The following ARMH4 variants were observed in gnomAD, a reference collection of about 807,000 sequenced individuals.
The protein encoded by ARMH4 is armadillo like helical domain containing 4, also known as armadillo-like helical domain-containing protein 4.
Under a neutral mutation model 61.9 loss-of-function variants are expected in ARMH4, and 49 were observed. The ratio of observed to expected loss-of-function variants is 0.79; its 90% CI spans 0.63 to 1.00. ARMH4 has a LOEUF of 1.00. ARMH4 is among the 50% of genes least tolerant of loss of function. The pLI, the probability that ARMH4 is intolerant of heterozygous loss-of-function variation, is 0.00. For synonymous variants in ARMH4, 368 were observed against 341.5 expected (o/e 1.08, Z -0.85); for missense variants, 934 against 930.0 (o/e 1.00, Z -0.06).
rs184426161 is a variant in ARMH4, at chr14:58,042,577, G to A, written c.2090-30427C>T. Among the ~76,000 whole-genome samples the A allele has an allele frequency of 1.3e-3, 192 of 152,160 alleles. 2 individuals are homozygous for A. In the East Asian group the frequency reaches 0.035, roughly 28 times the overall value. On this transcript the variant is annotated intron_variant, in intron 5 of 7. Coordinates refer to ENST00000267485, the MANE Select transcript of ARMH4 (RefSeq NM_001001872.4). ...GAGCAAACACATTCAAAAGCTAGCAGAAGGCAAGAAATAACTAAGATCAGA... is the reference window on the plus strand; with the variant it reads ...GAGCAAACACATTCAAAAGCTAGCAAAAGGCAAGAAATAACTAAGATCAGA...
chr14:58,141,136 G>GGGT (rs1887535140), intron 1 of ARMH4: 1 of 203,446 alleles, frequency 4.9e-6, no homozygotes, highest in Non-Finnish European at 9.9e-6. Flanking sequence ...TAAGAAAAAT[G>GGGT]GGTTTGAAAA....
chr14:58,138,132 A>C lies in ARMH4; in HGVS notation c.1227T>G (p.Val409=), dbSNP rs11626667. The C allele has an allele frequency of 0.039, 62,173 of 1,614,144 alleles. 1,363 individuals carry two copies. Among genetic ancestry groups the C allele is most frequent in the Middle Eastern group, 0.078 (470 of 6,062 alleles). Residue 409 remains valine, a synonymous_variant, in exon 2 of 8, where the codon GTT becomes GTG. Transcript: ENST00000267485. ...TACTTTGGAGCAAGTTCACAATGGA[A>C]ACTTTCATGTCTTCCATCAGACTTG... The part of the protein sequence containing the change: ...TPTSLMEDMK[V]SIVNLLQSTG...
intron 3 of ARMH4, 31 bp downstream of exon 3, chr14:58,133,059 A>T (rs748902828): frequency 6.2e-7 from 1 of 1,611,158 alleles, no homozygotes; most frequent in Non-Finnish European, 8.5e-7. Context: ...ATCCACCCCC[A>T]AAACAGAGTC....
chr14:58,075,059 C>T (rs1278558622), intron 5 of ARMH4, among the ~76,000 whole-genome samples: 1 of 152,196 alleles, frequency 6.6e-6, no homozygotes, highest in Admixed American at 6.5e-5. Flanking sequence ...GATACCATCT[C>T]ATGCCAGTTA....
chr14:58,074,101 G>T (rs1484314762), intron 5 of ARMH4, among the ~76,000 whole-genome samples: 2 of 152,186 alleles, frequency 1.3e-5, no homozygotes, highest in African/African-American at 4.8e-5. Flanking sequence ...ATTTAAGAAT[G>T]CAGGAAACCT....
intron 5 of ARMH4, among the ~76,000 whole-genome samples, chr14:58,016,089 T>C (rs1209971871): frequency 6.6e-6 from 1 of 152,020 alleles, no homozygotes; most frequent in African/African-American, 2.4e-5. Flanking sequence ...GTTAAAATGT[T>C]TTATATGAAG....
chr14:58,026,968 C>A (rs1306103044), intron 5 of ARMH4, among the ~76,000 whole-genome samples: 1 of 152,154 alleles, frequency 6.6e-6, no homozygotes, highest in African/African-American at 2.4e-5. Flanking sequence ...CTCCCTAGTG[C>A]CTTGACTTAG....
At chr14:58,107,763 C>CAAAAAAAA (rs34507217) in intron 4 of ARMH4, among the ~76,000 whole-genome samples, 1 of 97,364 alleles carries the variant, frequency 1.0e-5, no homozygotes, top group South Asian at 3.5e-4. Flanking sequence ...GACTCCATCT[C>CAAAAAAAA]AAAAAAAAAA....
At chr14:58,063,888 C>A (rs564892252) in intron 5 of ARMH4, among the ~76,000 whole-genome samples, 1 of 152,038 alleles carries the variant, frequency 6.6e-6, no homozygotes, top group African/African-American at 2.4e-5. Flanking sequence ...TTTTAATTGA[C>A]ATTTTTCTTA....
At chr14:58,035,375 G>T (rs1275395994) in intron 5 of ARMH4, among the ~76,000 whole-genome samples, 1 of 78,298 alleles carries the variant, frequency 1.3e-5, no homozygotes, top group African/African-American at 5.4e-5. Context: ...CCACATACCA[G>T]AATCTCTGGG....
intron 5 of ARMH4, among the ~76,000 whole-genome samples, chr14:58,040,167 T>C (rs141205403): frequency 1.3e-3 from 203 of 152,212 alleles, no homozygotes; most frequent in African/African-American, 4.8e-3. Context: ...ATTGATTTTT[T>C]TTTTAACTTT....
chr14:58,006,640 GAA>G (rs911523988), intron 6 of ARMH4, among the ~76,000 whole-genome samples: 21 of 151,860 alleles, frequency 1.4e-4, no homozygotes, highest in Non-Finnish European at 2.6e-4. Context: ...TTTTCCCCAA[GAA>G]ACAAAGCCTA....
At position 58,138,700 on chromosome 14, in the gene ARMH4, G is replaced by T. The variant is rs1302503144; in HGVS notation, c.659C>A (p.Pro220Gln). 1.2e-6 allele frequency: 2 copies of T among 1,614,136 alleles called. No individual in the cohort carries two copies. Among genetic ancestry groups the T allele is most frequent in the Middle Eastern group, 1.6e-4 (1 of 6,062 alleles). Residue 220 changes from proline (P) to glutamine (Q), a missense_variant, in exon 2 of 8, where the codon CCA (proline) becomes CAA (glutamine). Transcript: ENST00000267485. The part of the protein sequence containing the change: ...VNTKEMLTTN[P>Q]KTEKFEADTD... ...GTCTGCTTCAAATTTCTCAGTCTTT[G>T]GATTGGTGGTTAGCATTTCCTTAGT... is the stretch of plus-strand genomic sequence containing the variant.
At chr14:58,082,866 C>A (rs1034461227) in intron 5 of ARMH4, among the ~76,000 whole-genome samples, 1 of 152,158 alleles carries the variant, frequency 6.6e-6, no homozygotes, top group Non-Finnish European at 1.5e-5. Context: ...ATATGTACTG[C>A]CATCACCCCC....
At position 58,002,894 on chromosome 14, in the gene ARMH4, C is replaced by T. The variant is rs1284945086; in HGVS notation, c.*1842G>A. The T allele has an allele frequency of 6.6e-6, 1 of 152,206 alleles. No homozygotes were observed. Among genetic ancestry groups the T allele is most frequent in the Non-Finnish European group, 1.5e-5 (1 of 68,042 alleles). The allele number at this position is 152,206 out of a possible 1,614,324, so 9.4% of individuals were successfully genotyped here. ...TTTTCACTTCTCTTGATCAGTTTCA[C>T]ATATTTGCTTACATCTCTTGGCAAA... On this transcript the variant is annotated 3_prime_UTR_variant, in exon 8 of 8. Transcript: ENST00000267485.
rs762573561 is a variant in ARMH4, at chr14:58,005,180, A to G, written c.2124T>C (p.Ala708=). 6.2e-7 allele frequency: 1 copy of G among 1,613,920 alleles called. No individual in the cohort carries two copies. Among genetic ancestry groups the G allele is most frequent in the Non-Finnish European group, 8.5e-7 (1 of 1,179,894 alleles). Reference sequence around the variant, plus strand: ...GCACCAGCATCCCAGACATGTAACCAGCCTGCATAGAAAAGGAAACACACA... The same window carrying G: ...GCACCAGCATCCCAGACATGTAACCGGCCTGCATAGAAAAGGAAACACACA... The part of the protein sequence containing the change: ...RSWMEKLKDK[A]GYMSGMLVPV... Residue 708 remains alanine (A), a splice_region_variant and synonymous_variant, in exon 7 of 8, where the codon GCT becomes GCC. Transcript: ENST00000267485.
chr14:58,085,094 TA>T (rs1885338371), intron 5 of ARMH4, among the ~76,000 whole-genome samples: 1 of 152,180 alleles, frequency 6.6e-6, no homozygotes, highest in South Asian at 2.1e-4. Context: ...GTAAAACAAG[TA>T]AAATTTGGGA....
chr14:58,019,157 G>A (rs1882722161), intron 5 of ARMH4, among the ~76,000 whole-genome samples: 1 of 152,080 alleles, frequency 6.6e-6, no homozygotes, highest in South Asian at 2.1e-4. Context: ...ATAGATGGGA[G>A]GAATAAGTTC....
At position 58,131,638 on chromosome 14, in the gene ARMH4, C is replaced by T; in HGVS notation, c.1705G>A (p.Gly569Arg). ...AGTGCAGGGGAAATGCTGGGTTCCC[C>T]CACCATTATTCCAGGAGGTGTCACT... is the stretch of plus-strand genomic sequence containing the variant. Reference protein sequence around the residue: ...SPVTPPGIMVGEPSISPALPA... With the variant: ...SPVTPPGIMVREPSISPALPA... Residue 569 changes from glycine to arginine, a missense_variant, in exon 4 of 8, where the codon GGG (glycine) becomes AGG (arginine). Gly to Arg is a moderately radical substitution (Grantham distance 125). Transcript: ENST00000267485. The T allele has an allele frequency of 6.2e-7, 1 of 1,614,152 alleles. No homozygotes were observed. Among genetic ancestry groups the T allele is most frequent in the Non-Finnish European group, 8.5e-7 (1 of 1,180,034 alleles).
Sources: allele counts gnomAD v4.1 joint callset (sites outside exome capture counted in the v4.1 genomes callset), GRCh38; gene constraint gnomAD v4.1.1; transcripts MANE v1.5; gene names NCBI Gene and HGNC (gene_info 2026-07-23, HGNC 2026-07-21).